Variants in DHRSX observed in about 807,000 individuals in gnomAD.
The protein encoded by DHRSX is dehydrogenase/reductase X-linked, also known as polyprenol dehydrogenase.
In DHRSX, 31 loss-of-function variants were observed where a neutral mutation model predicts 34.0. The ratio of observed to expected loss-of-function variants is 0.91; its 90% CI spans 0.69 to 1.23. The LOEUF is 1.23. DHRSX is among the 50% of genes most tolerant of loss of function. DHRSX has a pLI of 0.00. For missense variants in DHRSX, 414 were observed against 428.1 expected (o/e 0.97, Z 0.29); for synonymous variants, 201 against 183.8 (o/e 1.09, Z -0.76).
intron 6 of DHRSX, among the ~76,000 whole-genome samples, chrX:2,239,592 TAAAAAA>T (rs905070918): frequency 3.5e-4 from 52 of 148,634 alleles, no homozygotes; most frequent in African/African-American, 1.3e-3. Flanking sequence ...CCGTCTCTAC[TAAAAAA>T]AAATAAAAAA....
In DHRSX at chrX:2,221,172, C is replaced by G; in HGVS notation, c.862G>C (p.Gly288Arg). The G allele has an allele frequency of 6.2e-7, 1 of 1,613,912 alleles. No individual in the cohort carries two copies. Among genetic ancestry groups the G allele is most frequent in the Non-Finnish European group, 8.5e-7 (1 of 1,179,840 alleles). The change falls in exon 7 of 7, where the codon GGA becomes CGA. Residue 288 changes from glycine to arginine, a missense_variant. Coordinates refer to ENST00000334651, the MANE Select transcript of DHRSX (RefSeq NM_145177.3). ...IYAAVTPELE[G>R]VGGHYLYNEK... ...TTGTATAGGTAATGGCCACCAACTC[C>G]TTCCAGCTCTGGGGTGACTGCTGCG...
At chrX:2,308,646 C>T (rs2124514943) in intron 3 of DHRSX, among the ~76,000 whole-genome samples, 1 of 152,216 alleles carries the variant, frequency 6.6e-6, no homozygotes, top group East Asian at 1.9e-4. Context: ...CTATAATGTG[C>T]CATTTTCACA....
chrX:2,276,904 A>C (rs1281282103), intron 4 of DHRSX, among the ~76,000 whole-genome samples: 1 of 27,050 alleles, frequency 3.7e-5, no homozygotes, highest in African/African-American at 3.4e-4. Flanking sequence ...AGAGAGAAAG[A>C]GAGATGGAGA....
intron 3 of DHRSX, among the ~76,000 whole-genome samples, chrX:2,301,698 G>A (rs1474270944): frequency 6.6e-6 from 1 of 152,122 alleles, no homozygotes; most frequent in Non-Finnish European, 1.5e-5. Flanking sequence ...AAGTGCGGTG[G>A]TGCGATCTCG....
intron 2 of DHRSX, among the ~76,000 whole-genome samples, chrX:2,421,927 C>T (rs2043785436): frequency 3.3e-5 from 5 of 152,126 alleles, no homozygotes; most frequent in Admixed American, 2.6e-4. Flanking sequence ...TTCATCGATT[C>T]GTAACATGAT....
At chrX:2,245,743 G>A (rs1288956965) in intron 5 of DHRSX, among the ~76,000 whole-genome samples, 1 of 144,748 alleles carries the variant, frequency 6.9e-6, no homozygotes, top group Non-Finnish European at 1.5e-5. Flanking sequence ...GGATCACAAG[G>A]TCAGGAGTTT....
chrX:2,254,426 T>C (rs1466027419), intron 5 of DHRSX, among the ~76,000 whole-genome samples: 2 of 152,222 alleles, frequency 1.3e-5, no homozygotes, highest in Non-Finnish European at 2.9e-5. Context: ...ATCACTGTTT[T>C]AATGAGTAAG....
chrX:2,292,382 G>C (rs62595532), intron 3 of DHRSX, among the ~76,000 whole-genome samples: 98,053 of 151,928 alleles, frequency 0.65, 32,605 homozygotes, highest in Middle Eastern at 0.77. Context: ...TGACACTTTG[G>C]TTATAGCCCA....
At chrX:2,398,675 T>C (rs1603049091) in intron 3 of DHRSX, among the ~76,000 whole-genome samples, 1 of 150,152 alleles carries the variant, frequency 6.7e-6, no homozygotes, top group South Asian at 2.1e-4. Flanking sequence ...TATTCCTTTT[T>C]TTTTTTTTTT....
In DHRSX at chrX:2,376,567, A is replaced by G. The variant is rs1194383851; in HGVS notation, c.286+32178T>C. 3.6e-5 allele frequency among the ~76,000 whole-genome samples: 5 copies of G among 137,798 alleles called. 2 individuals carry two copies. The highest frequency in any genetic ancestry group is 8.6e-5 in the Non-Finnish European group (5 of 58,430). The allele number at this position is 137,798 out of a possible 152,430, so 90.4% of individuals were successfully genotyped here. On this transcript the variant is annotated intron_variant, in intron 3 of 6. Transcript: ENST00000334651. ...AACCTAGGAATGAAAGCTCACTTGG[A>G]TATCAGATCTTTGCATACAATTAGG...
At chrX:2,310,561 TGAGAGAGA>T (rs780086507) in intron 3 of DHRSX, among the ~76,000 whole-genome samples, 1,922 of 144,406 alleles carry the variant, frequency 0.013, 45 homozygotes, top group African/African-American at 0.045. Flanking sequence ...TGTGTGTGTG[TGAGAGAGA>T]GAGAGAGAGG....
intron 3 of DHRSX, among the ~76,000 whole-genome samples, chrX:2,343,850 T>C (rs1353896208): frequency 6.6e-6 from 1 of 152,186 alleles, no homozygotes; most frequent in Non-Finnish European, 1.5e-5. Flanking sequence ...TGAAGTGTAT[T>C]AGTATGTATA....
chrX:2,489,539 A>G (rs1224389368), intron 1 of DHRSX: 1 of 1,612,722 alleles, frequency 6.2e-7, no homozygotes, highest in Non-Finnish European at 8.5e-7. Context: ...CAGCCCCTCG[A>G]TGGTGGCCCA....
At position 2,498,204 on chromosome X, in the gene DHRSX, A is replaced by C. The variant is rs2045328247; in HGVS notation, c.109+2613T>G. The stretch of plus-strand genomic sequence containing the variant: ...AACCCAGGCATTTCCTTTGTACGAT[A>C]CCTAAGAAGAACACGCTCCATTTGG... On this transcript the variant is annotated intron_variant, in intron 1 of 6. Coordinates refer to ENST00000334651, the MANE Select transcript of DHRSX (RefSeq NM_145177.3). Among the ~76,000 whole-genome samples the C allele has an allele frequency of 2.6e-5, 4 of 152,158 alleles. No homozygotes were observed. In the South Asian group the frequency reaches 8.3e-4, roughly 32 times the overall value.
chrX:2,361,014 C>A (rs2042926962), intron 3 of DHRSX, among the ~76,000 whole-genome samples: 1 of 152,184 alleles, frequency 6.6e-6, no homozygotes, highest in Non-Finnish European at 1.5e-5. Flanking sequence ...TCAGTTCTGA[C>A]AGCTCCTACT....
At chrX:2,354,859 G>A (rs2042829797) in intron 3 of DHRSX, among the ~76,000 whole-genome samples, 1 of 152,074 alleles carries the variant, frequency 6.6e-6, no homozygotes, top group Admixed American at 6.6e-5. Flanking sequence ...ACGGGGCAAG[G>A]AGGAAAAAAG....
intron 5 of DHRSX, among the ~76,000 whole-genome samples, chrX:2,260,612 A>T (rs979905489): frequency 2.0e-5 from 3 of 152,040 alleles, no homozygotes; most frequent in Non-Finnish European, 2.9e-5. Flanking sequence ...GACGCGCAGC[A>T]CCACGCCCGG....
chrX:2,319,690 A>G (rs1443487508), intron 3 of DHRSX, among the ~76,000 whole-genome samples: 1 of 151,678 alleles, frequency 6.6e-6, no homozygotes, highest in Admixed American at 6.6e-5. Context: ...GTACTAATCG[A>G]CTCTATGTTA....
chrX:2,365,386 C>T (rs1488971373), intron 3 of DHRSX, among the ~76,000 whole-genome samples: 1 of 152,112 alleles, frequency 6.6e-6, no homozygotes, highest in African/African-American at 2.4e-5. Context: ...ATGATCCACC[C>T]ATCTCGGCCT....
Sources: gnomAD v4.1 joint callset for allele counts (sites outside exome capture counted in the v4.1 genomes callset) on GRCh38, gnomAD v4.1.1 for gene constraint, MANE v1.5 for transcripts, NCBI Gene and HGNC (gene_info 2026-07-23, HGNC 2026-07-21) for gene names.